The following SMCO1 variants were observed in gnomAD, a reference collection of about 807,000 sequenced individuals.
The protein encoded by SMCO1 is single-pass membrane protein with coiled-coil domains 1.
SMCO1 carries 9 observed loss-of-function variants against 7.5 expected under a neutral mutation model. The ratio of observed to expected loss-of-function variants is 1.20; its 90% CI spans 0.72 to 2.09. The LOEUF (loss-of-function observed/expected upper bound fraction) is 2.09, where lower values mean the gene tolerates loss of function less well. SMCO1 is among the 30% of genes most tolerant of loss of function. The pLI, the probability that SMCO1 is intolerant of heterozygous loss-of-function variation, is 0.00. For missense variants in SMCO1, 219 were observed against 253.1 expected (o/e 0.87, Z 0.91); for synonymous variants, 90 against 93.8 (o/e 0.96, Z 0.23).
chr3:196,520,592 G>A, the SMCO1 span, among the ~76,000 whole-genome samples: 7 of 152,138 alleles, frequency 4.6e-5, no homozygotes, highest in Non-Finnish European at 8.8e-5. Context: ...TCTCATTACA[G>A]GATCTTAAGC....
intron 1 of SMCO1, among the ~76,000 whole-genome samples, chr3:196,513,945 T>C (rs748232647): frequency 2.0e-5 from 3 of 152,164 alleles, no homozygotes; most frequent in Non-Finnish European, 2.9e-5. Flanking sequence ...AATCTCAGAA[T>C]AATTCTCAAC....
At position 196,509,586 on chromosome 3, in the gene SMCO1, TG is replaced by T. The variant is rs1733162339; in HGVS notation, c.133del (p.His45IlefsTer29). The T allele has an allele frequency of 6.2e-7, 1 of 1,614,078 alleles. No individual in the cohort carries two copies. Among genetic ancestry groups the T allele is most frequent in the Non-Finnish European group, 8.5e-7 (1 of 1,179,998 alleles). ...TTGGCTTGCCAAAGCCTTACTATGATGTTCGAATTTCTGCATCAGGTTATCC... is the reference window on the plus strand; with the variant it reads ...TTGGCTTGCCAAAGCCTTACTATGATTTCGAATTTCTGCATCAGGTTATCC... The part of the protein sequence containing the change: ...TKDNLMQKFE[H>X]HSKALASQAA... On this transcript the variant is annotated frameshift_variant, in exon 2 of 3. Transcript: ENST00000397537. LOFTEE classifies it high-confidence loss of function.
At chr3:196,516,024 T>A (rs1394178051), upstream of SMCO1, among the ~76,000 whole-genome samples, 2 of 116,380 alleles carry the variant, frequency 1.7e-5, no homozygotes, top group African/African-American at 6.6e-5. Flanking sequence ...TATATATATA[T>A]ATATATAATT....
chr3:196,513,628 A>T (rs1733308635), intron 1 of SMCO1, among the ~76,000 whole-genome samples: 1 of 4,248 alleles, frequency 2.4e-4, no homozygotes, highest in South Asian at 7.0e-3. Flanking sequence ...ACTCTGTCTC[A>T]AAAAAAAAAA....
chr3:196,509,816 G>A (rs1166576111), intron 1 of SMCO1, 147 bp from the exon 2 acceptor site: 3 of 584,606 alleles, frequency 5.1e-6, no homozygotes, highest in Non-Finnish European at 8.4e-6. Context: ...ACTATGAAGG[G>A]AAAATGGGTA....
Position 196,513,585 on chromosome 3 carries a change from C to T in SMCO1, c.50+1575G>A, listed in dbSNP as rs186112559. ...CGGAGGTTGCAGTGAGCTGAAATCG[C>T]GCCACTGCACTCCAGCCTGGTGACA... is the stretch of plus-strand genomic sequence containing the variant. On this transcript the variant is annotated intron_variant, in intron 1 of 2. Transcript: ENST00000397537. Among the ~76,000 whole-genome samples, 436 of 143,486 alleles carry T rather than the reference C, an allele frequency of 3.0e-3. 5 individuals are homozygous for T. Among genetic ancestry groups the T allele is most frequent in the Admixed American group, 0.021 (286 of 13,802 alleles). The allele number at this position is 143,486 out of a possible 152,430, so 94.1% of individuals were successfully genotyped here. A position where few individuals can be genotyped will look rare whatever the true frequency, so the allele number is the denominator to read the frequency against.
Position 196,515,243 on chromosome 3 carries a change from A to G in SMCO1, c.-34T>C. The G allele has an allele frequency of 1.3e-6, 2 of 1,535,194 alleles. No individual in the cohort carries two copies. Among genetic ancestry groups the G allele is most frequent in the Non-Finnish European group, 9.0e-7 (1 of 1,109,778 alleles). ...GGCAAAAGGAAAGAAAACAAAAACAAAGCAAAACAAAAAAAGCAATAAATG... is the reference window on the plus strand; with the variant it reads ...GGCAAAAGGAAAGAAAACAAAAACAGAGCAAAACAAAAAAAGCAATAAATG... On this transcript the variant is annotated 5_prime_UTR_variant, in exon 1 of 3. Transcript: ENST00000397537.
chr3:196,518,095 G>C (rs1426742590), upstream of SMCO1, among the ~76,000 whole-genome samples: 1 of 152,218 alleles, frequency 6.6e-6, no homozygotes, highest in Non-Finnish European at 1.5e-5. Context: ...ATGGCAGCCA[G>C]CCAGGTAGAA....
rs1400401089 is a variant in SMCO1, at chr3:196,509,658, T to C, written c.62A>G (p.Lys21Arg). Reference protein sequence around the residue: ...LKEAMKRVDHKLQALETQFKE... With the variant: ...LKEAMKRVDHRLQALETQFKE... ...GAACTGTGTTTCTAACGCTTGGAGT[T>C]TGTGGTCTACTCTGTAGGATAACAG... The change falls in exon 2 of 3, where the codon AAA (lysine) becomes AGA (arginine). Residue 21 changes from lysine to arginine, a missense_variant. Physicochemically the swap from Lys to Arg is conservative, Grantham distance 26 (BLOSUM62 2). Transcript: ENST00000397537. 1 of 1,614,074 alleles carries C rather than the reference T, an allele frequency of 6.2e-7. No homozygotes were observed. The highest frequency in any genetic ancestry group is 1.7e-5 in the Admixed American group (1 of 60,016).
At chr3:196,512,373 C>T (rs149983826) in intron 1 of SMCO1, among the ~76,000 whole-genome samples, 3 of 152,322 alleles carry the variant, frequency 2.0e-5, no homozygotes, top group Admixed American at 1.3e-4. Context: ...TCCGTATCTC[C>T]AGTGACCTGA....
intron 1 of SMCO1, among the ~76,000 whole-genome samples, chr3:196,512,366 G>T (rs1322544658): frequency 2.0e-5 from 3 of 152,128 alleles, no homozygotes; most frequent in Non-Finnish European, 4.4e-5. Context: ...CTGAGCTTCC[G>T]TATCTCCAGT....
intron 1 of SMCO1, among the ~76,000 whole-genome samples, chr3:196,512,417 A>G (rs539193058): frequency 6.6e-6 from 1 of 151,664 alleles, no homozygotes; most frequent in African/African-American, 2.4e-5. Flanking sequence ...TCTATGCTTG[A>G]TCATCTTTTA....
At chr3:196,515,118 T>G (rs757893839) in intron 1 of SMCO1, 42 bp downstream of exon 1, 6 of 1,607,504 alleles carry the variant, frequency 3.7e-6, no homozygotes, top group Non-Finnish European at 5.1e-6. Flanking sequence ...CTTCCCAGAA[T>G]AGCAGACCCA....
upstream of SMCO1, among the ~76,000 whole-genome samples, chr3:196,517,755 T>C (rs555595492): frequency 4.9e-3 from 752 of 152,256 alleles, 7 homozygotes; most frequent in African/African-American, 0.017. Context: ...CTGCAACCTC[T>C]GCCTCCCAGG....
In SMCO1 at chr3:196,508,252, TC is replaced by T. The variant is rs746720914; in HGVS notation, c.279del (p.Lys94SerfsTer6). 5.0e-6 allele frequency: 8 copies of T among 1,614,136 alleles called. No individual in the cohort carries two copies. The East Asian group carries it at 1.8e-4, about 36-fold the overall frequency. ...AGACCTCTCACCAGGTCTGGCAGCTTCTCAAGCACACGAGTATGCAAGCAGA... is the reference window on the plus strand; with the variant it reads ...AGACCTCTCACCAGGTCTGGCAGCTTTCAAGCACACGAGTATGCAAGCAGA... ...VLICLHTRVLEKLPDLVRGLP... is the reference protein window; with the variant it reads ...VLICLHTRVLXKLPDLVRGLP... On this transcript the variant is annotated frameshift_variant, in exon 3 of 3. Coordinates refer to ENST00000397537, the MANE Select transcript of SMCO1 (RefSeq NM_001077657.3). LOFTEE classifies it low-confidence loss of function (END_TRUNC).
chr3:196,509,585 A>G lies in SMCO1; in HGVS notation c.135T>C (p.His45=). The change falls in exon 2 of 3, where the codon CAT becomes CAC. Residue 45 remains histidine, a synonymous_variant. Coordinates refer to ENST00000397537, the MANE Select transcript of SMCO1 (RefSeq NM_001077657.3). ...TKDNLMQKFE[H]HSKALASQAA... ...CTTGGCTTGCCAAAGCCTTACTATGATGTTCGAATTTCTGCATCAGGTTAT... is the reference window on the plus strand; with the variant it reads ...CTTGGCTTGCCAAAGCCTTACTATGGTGTTCGAATTTCTGCATCAGGTTAT... 6.2e-7 allele frequency: 1 copy of G among 1,613,998 alleles called. No homozygotes were observed. The highest frequency in any genetic ancestry group is 8.5e-7 in the Non-Finnish European group (1 of 1,179,996).
chr3:196,507,586 T>C lies in SMCO1; in HGVS notation c.*301A>G, dbSNP rs1227900532. ...GTTTATGGATATGTAAACTAATATGTGTTATATATATATTTATATATATAT... is the reference window on the plus strand; with the variant it reads ...GTTTATGGATATGTAAACTAATATGCGTTATATATATATTTATATATATAT... On this transcript the variant is annotated 3_prime_UTR_variant, in exon 3 of 3. Coordinates refer to ENST00000397537, the MANE Select transcript of SMCO1 (RefSeq NM_001077657.3). The C allele has an allele frequency of 6.5e-6, 1 of 154,376 alleles. No individual in the cohort carries two copies. The highest frequency in any genetic ancestry group is 2.4e-5 in the African/African-American group (1 of 41,394). 9.6% of individuals were successfully genotyped at this position (154,376 alleles called of 1,614,324 possible). A position where few individuals can be genotyped will look rare whatever the true frequency, so the allele number is the denominator to read the frequency against.
At chr3:196,512,293 A>T (rs948019500) in intron 1 of SMCO1, among the ~76,000 whole-genome samples, 44 of 138,492 alleles carry the variant, frequency 3.2e-4, no homozygotes, top group African/African-American at 1.1e-3. Flanking sequence ...TGAGGGAAAC[A>T]TGCCTGGGCC....
Position 196,515,268 on chromosome 3 carries a change from G to A in SMCO1, c.-59C>T. On this transcript the variant is annotated 5_prime_UTR_variant, in exon 1 of 3. Transcript: ENST00000397537. ...AAGCAAAACAAAAAAAGCAATAAAT[G>A]TTTGAATCCAGAATTTTCTGCGGTC... The A allele has an allele frequency of 7.3e-7, 1 of 1,377,212 alleles. No homozygotes were observed. Among genetic ancestry groups the A allele is most frequent in the Non-Finnish European group, 1.0e-6 (1 of 966,336 alleles). The allele number at this position is 1,377,212 out of a possible 1,614,324, so 85.3% of individuals were successfully genotyped here.
Sources: gnomAD v4.1 joint callset for allele counts (sites outside exome capture counted in the v4.1 genomes callset) on GRCh38, gnomAD v4.1.1 for gene constraint, MANE v1.5 for transcripts, NCBI Gene and HGNC (gene_info 2026-07-23, HGNC 2026-07-21) for gene names.